The following INSR variants were observed in gnomAD, a reference collection of about 807,000 sequenced individuals.
INSR encodes the protein insulin receptor.
In INSR, 67 loss-of-function variants were observed where a neutral mutation model predicts 142.6. The ratio of observed to expected loss-of-function variants is 0.47; its 90% CI spans 0.39 to 0.58. The LOEUF (loss-of-function observed/expected upper bound fraction) is 0.58. Ranked by LOEUF, INSR falls within the 20% of genes least tolerant of loss-of-function variation. INSR has a pLI of 0.00. For synonymous variants in INSR, 756 were observed against 743.1 expected, an observed-to-expected ratio of 1.02 and a Z score of -0.28; for missense variants, 1,248 against 1,833.2, an observed-to-expected ratio of 0.68 and a Z score of 5.83.
chr19:7,293,280 T>A (rs1968545672), intron 1 of INSR, among the ~76,000 whole-genome samples: 1 of 152,138 alleles, frequency 6.6e-6, no homozygotes, highest in Admixed American at 6.6e-5. Flanking sequence ...CGGGCCTAGA[T>A]CCAAGGTAGT....
intron 15 of INSR, among the ~76,000 whole-genome samples, chr19:7,128,623 C>G (rs1415101425): frequency 7.2e-6 from 1 of 139,764 alleles, no homozygotes; most frequent in Non-Finnish European, 1.6e-5. Context: ...AAGGTTTGGG[C>G]AAAAAAAAAA....
Position 7,150,630 on chromosome 19 carries a change from G to T in INSR, c.2232-98C>A. 3 of 1,185,350 alleles carry T rather than the reference G, an allele frequency of 2.5e-6. No homozygotes were observed. The highest frequency in any genetic ancestry group is 2.5e-6 in the Non-Finnish European group (2 of 798,714). 73.4% of individuals were successfully genotyped at this position (1,185,350 alleles called of 1,614,324 possible). On this transcript the variant is annotated intron_variant, in intron 10 of 21. Transcript: ENST00000302850. This position sits in a 1 kb window ranked among gnomAD's most constrained non-coding sequence, Gnocchi z 4.2. ...GGAGGCCACATGTGTCCGAGTAAGG[G>T]CACCCTGGCTTTGACCCTGGACCAC...
intron 11 of INSR, among the ~76,000 whole-genome samples, chr19:7,145,005 T>C (rs915151331): frequency 6.6e-6 from 1 of 152,038 alleles, no homozygotes; most frequent in Non-Finnish European, 1.5e-5. Flanking sequence ...ATTAAAAATA[T>C]GCTATCACTC....
chr19:7,277,063 T>C (rs549182599), intron 1 of INSR, among the ~76,000 whole-genome samples: 1 of 152,182 alleles, frequency 6.6e-6, no homozygotes, highest in Admixed American at 6.6e-5. Flanking sequence ...AACAGCATAA[T>C]GAAACCTACA....
intron 2 of INSR, among the ~76,000 whole-genome samples, chr19:7,237,682 G>C (rs1976204021): frequency 6.6e-6 from 1 of 151,968 alleles, no homozygotes; most frequent in South Asian, 2.1e-4. Context: ...CAGGCATGGT[G>C]GCGGGTGCCT....
intron 1 of INSR, among the ~76,000 whole-genome samples, chr19:7,284,261 C>T (rs1968286045): frequency 6.6e-6 from 1 of 152,062 alleles, no homozygotes; most frequent in Non-Finnish European, 1.5e-5. Context: ...GATGGGGTTT[C>T]ACCATGTTGC....
intron 9 of INSR, 66 bp from the exon 10 acceptor site, chr19:7,152,993 AC>A (rs1973415995): frequency 1.4e-6 from 1 of 690,542 alleles, no homozygotes; most frequent in Non-Finnish European, 2.3e-6. Flanking sequence ...ACACACACAC[AC>A]ACCCCACACA....
At chr19:7,180,915 A>C (rs1475812565) in intron 3 of INSR, among the ~76,000 whole-genome samples, 1 of 152,042 alleles carries the variant, frequency 6.6e-6, no homozygotes, top group Non-Finnish European at 1.5e-5. Flanking sequence ...GTTTTAGGGA[A>C]GGACATGGCA....
chr19:7,235,941 C>T (rs541919656), intron 2 of INSR, among the ~76,000 whole-genome samples: 2 of 150,250 alleles, frequency 1.3e-5, no homozygotes, highest in African/African-American at 4.9e-5. Flanking sequence ...TAACAGACTC[C>T]AACCACTTAG....
At chr19:7,137,448 TGGACAAC>T (rs550932646) in intron 13 of INSR, among the ~76,000 whole-genome samples, 171 of 151,956 alleles carry the variant, frequency 1.1e-3, no homozygotes, top group African/African-American at 4.1e-3. Context: ...CAACCACCGG[TGGACAAC>T]CAGGGGCTAC....
rs1187901881 is a variant in INSR at position 7,141,829 on chromosome 19, G to A, written c.2543-13C>T. The A allele has an allele frequency of 1.2e-6, 2 of 1,610,164 alleles. No individual in the cohort carries two copies. Among genetic ancestry groups the A allele is most frequent in the Admixed American group, 3.3e-5 (2 of 60,014 alleles). Reference sequence around the variant, plus strand: ...TCATCAGCCTTGGCTGTAAGGAGAGGAAGTGAGAGGCAGGGATGTAACTCT... The same window carrying A: ...TCATCAGCCTTGGCTGTAAGGAGAGAAAGTGAGAGGCAGGGATGTAACTCT... On this transcript the variant is annotated splice_polypyrimidine_tract_variant and intron_variant, in intron 12 of 21. Coordinates refer to ENST00000302850, the MANE Select transcript of INSR (RefSeq NM_000208.4).
chr19:7,178,965 C>T (rs1469289892), intron 3 of INSR, among the ~76,000 whole-genome samples: 1 of 152,176 alleles, frequency 6.6e-6, no homozygotes, highest in Non-Finnish European at 1.5e-5. Context: ...GGCTGGGGTG[C>T]ACTGGCACAA....
intron 2 of INSR, among the ~76,000 whole-genome samples, chr19:7,199,597 C>G (rs563240342): frequency 2.6e-4 from 33 of 128,032 alleles, no homozygotes; most frequent in South Asian, 5.2e-4. Context: ...GCGGGTCTCT[C>G]TATGTTGCCT....
chr19:7,176,751 C>T (rs1316918831), intron 3 of INSR, among the ~76,000 whole-genome samples: 3 of 152,222 alleles, frequency 2.0e-5, no homozygotes, highest in Non-Finnish European at 4.4e-5. Flanking sequence ...TCCCGTACAG[C>T]CTGCAGAACT....
chr19:7,197,819 CGAGAGAGAGAGAGAACGAGA>C (rs1420549273), intron 2 of INSR, among the ~76,000 whole-genome samples: 2 of 75,788 alleles, frequency 2.6e-5, no homozygotes, highest in African/African-American at 6.1e-5. Flanking sequence ...GGAGAGAGAG[CGAGAGAGAGAGAGAACGAGA>C]GAGAGAGAGA....
At chr19:7,181,235 C>T (rs546289856) in intron 3 of INSR, among the ~76,000 whole-genome samples, 10 of 152,176 alleles carry the variant, frequency 6.6e-5, no homozygotes, top group African/African-American at 2.4e-4. Context: ...CGTGAGCCAC[C>T]GCGCCTGGCC....
chr19:7,157,553 G>A (rs1470979293), intron 9 of INSR, among the ~76,000 whole-genome samples: 2 of 150,420 alleles, frequency 1.3e-5, no homozygotes, highest in Non-Finnish European at 2.9e-5. Context: ...ATGAGCCATC[G>A]CACCCAGCCT....
chr19:7,281,053 T>G (rs1391811106), intron 1 of INSR, among the ~76,000 whole-genome samples: 1 of 152,180 alleles, frequency 6.6e-6, no homozygotes, highest in Non-Finnish European at 1.5e-5. Context: ...GACATAGTTT[T>G]GTAATCCTAA....
rs879257393 is a variant in INSR, at chr19:7,215,578, A to ATTTT, written c.653-30945_653-30942dup. Among the ~76,000 whole-genome samples the ATTTT allele has an allele frequency of 4.2e-3, 637 of 150,924 alleles. 2 individuals carry two copies. Among genetic ancestry groups the ATTTT allele is most frequent in the Middle Eastern group, 6.8e-3 (2 of 294 alleles). On this transcript the variant is annotated intron_variant, in intron 2 of 21. Transcript: ENST00000302850. ...CCTGTATTTATTTATTTATTTATTT[A>ATTTT]TTTTTTTGAGATGGAGTCTTGCTCT...
Sources: allele counts gnomAD v4.1 joint callset (sites outside exome capture counted in the v4.1 genomes callset), GRCh38; gene constraint gnomAD v4.1.1; non-coding constraint Gnocchi (gnomAD v3.1); transcripts MANE v1.5; gene names NCBI Gene and HGNC (gene_info 2026-07-23, HGNC 2026-07-21).